Variants in KALRN observed in about 807,000 individuals in gnomAD.
KALRN encodes kalirin RhoGEF kinase.
In KALRN, 70 loss-of-function variants were observed where a neutral mutation model predicts 353.7. The observed-to-expected ratio is 0.20, with a 90% CI of 0.16 to 0.24. The LOEUF is 0.24. KALRN is among the 10% of genes least tolerant of loss of function. The pLI, the probability that KALRN is intolerant of heterozygous loss-of-function variation, is 1.00. For synonymous variants in KALRN, 1,391 were observed against 1,434.8 expected (o/e 0.97, Z 0.69); for missense variants, 2,791 against 3,756.7 (o/e 0.74, Z 6.72).
At chr3:124,570,305 T>C (rs2073368166) in intron 34 of KALRN, among the ~76,000 whole-genome samples, 1 of 152,214 alleles carries the variant, frequency 6.6e-6, no homozygotes, top group Non-Finnish European at 1.5e-5. Flanking sequence ...ATTTACTTTA[T>C]CCTACAGTCC....
At chr3:124,229,133 A>T (rs1404192915) in intron 2 of KALRN, among the ~76,000 whole-genome samples, 2 of 152,228 alleles carry the variant, frequency 1.3e-5, no homozygotes, top group East Asian at 1.9e-4. Flanking sequence ...GATTGTGTTG[A>T]TGGCTGCCTT....
At chr3:124,248,837 G>A (rs1259169070) in intron 3 of KALRN, among the ~76,000 whole-genome samples, 5 of 152,192 alleles carry the variant, frequency 3.3e-5, no homozygotes, top group African/African-American at 4.8e-5. Flanking sequence ...TGTTTCCATC[G>A]CTAGTAATGC....
At chr3:124,584,934 C>T (rs969980647) in intron 34 of KALRN, 20 of 1,561,904 alleles carry the variant, frequency 1.3e-5, no homozygotes, top group Non-Finnish European at 1.5e-5. Context: ...GCCTTGGTGC[C>T]TTCTGTTAGC....
intron 33 of KALRN, among the ~76,000 whole-genome samples, chr3:124,526,392 G>A (rs558628699): frequency 9.9e-5 from 15 of 152,130 alleles, no homozygotes; most frequent in African/African-American, 3.6e-4. Flanking sequence ...GGCCAATATA[G>A]CGAGACCCTA....
rs75339006 is a variant in KALRN at position 124,160,896 on chromosome 3, G to A, written c.74-67094G>A. On this transcript the variant is annotated intron_variant, in intron 1 of 59. Transcript: ENST00000682506. ...AATATTTTGTAAACCTTAAAATGCTGTATAATATTGTATCCTGTAGTTCTC... is the reference window on the plus strand; with the variant it reads ...AATATTTTGTAAACCTTAAAATGCTATATAATATTGTATCCTGTAGTTCTC... Among the ~76,000 whole-genome samples the A allele has an allele frequency of 2.1e-3, 326 of 152,118 alleles. 1 individual carries two copies. Among genetic ancestry groups the A allele is most frequent in the African/African-American group, 6.9e-3 (284 of 41,386 alleles).
intron 1 of KALRN, among the ~76,000 whole-genome samples, chr3:124,093,259 G>A (rs994610968): frequency 6.6e-6 from 1 of 152,192 alleles, no homozygotes; most frequent in African/African-American, 2.4e-5. Flanking sequence ...GGTGCTGAGG[G>A]AGACATGCCT....
intron 8 of KALRN, among the ~76,000 whole-genome samples, chr3:124,331,744 A>C (rs1045389359): frequency 6.6e-6 from 1 of 152,176 alleles, no homozygotes; most frequent in African/African-American, 2.4e-5. Context: ...CACATATGTG[A>C]GGTGTGGGTG....
At position 124,082,480 on chromosome 3, in the gene KALRN, T is replaced by G. The variant is rs983464864; in HGVS notation, c.73+48667T>G. The G allele has an allele frequency of 4.2e-5, 15 of 353,704 alleles. No homozygotes were observed. In the East Asian group the frequency reaches 5.2e-4, roughly 12 times the overall value. The allele number at this position is 353,704 out of a possible 1,614,324, so 21.9% of individuals were successfully genotyped here. A position where few individuals can be genotyped will look rare whatever the true frequency, so the allele number is the denominator to read the frequency against. On this transcript the variant is annotated intron_variant, in intron 1 of 59. Transcript: ENST00000682506. The stretch of plus-strand genomic sequence containing the variant: ...AGGTGGTGGTGGTGCCAGTTCTGCT[T>G]CAGAAAATTAGAAGAAACAACAAAT...
intron 36 of KALRN, among the ~76,000 whole-genome samples, chr3:124,636,517 C>T (rs2669911): frequency 0.072 from 10,892 of 152,180 alleles, 621 homozygotes; most frequent in African/African-American, 0.16. Flanking sequence ...CTAGCTGCTT[C>T]AGGACTCCTG....
chr3:124,332,644 A>G (rs746281015), intron 8 of KALRN, among the ~76,000 whole-genome samples: 1 of 152,130 alleles, frequency 6.6e-6, no homozygotes, highest in Non-Finnish European at 1.5e-5. Flanking sequence ...CAGAACTCCA[A>G]TGAGAAGAAT....
At chr3:124,540,691 A>G (rs1304165779) in intron 33 of KALRN, among the ~76,000 whole-genome samples, 2 of 152,212 alleles carry the variant, frequency 1.3e-5, no homozygotes, top group Admixed American at 1.3e-4. Flanking sequence ...CTTCATTTTC[A>G]GTCCAGAACT....
chr3:124,394,604 T>C (rs1198109951), intron 11 of KALRN, among the ~76,000 whole-genome samples: 1 of 152,240 alleles, frequency 6.6e-6, no homozygotes, highest in African/African-American at 2.4e-5. Context: ...AGCATTCAGC[T>C]TTCTAACCAA....
chr3:124,458,665 G>A (rs1188742603), intron 23 of KALRN, among the ~76,000 whole-genome samples: 1 of 152,230 alleles, frequency 6.6e-6, no homozygotes, highest in African/African-American at 2.4e-5. Flanking sequence ...GCAGGGCACA[G>A]TGGCTCATGC....
At chr3:124,590,647 G>A (rs4677936) in intron 34 of KALRN, among the ~76,000 whole-genome samples, 35,969 of 151,732 alleles carry the variant, frequency 0.24, 4,552 homozygotes, top group East Asian at 0.33. Context: ...TAGCCAAAAG[G>A]CCAAGAAGTG....
In KALRN at chr3:124,228,242, C is replaced by G. The variant is rs79229336; in HGVS notation, c.148+178C>G. Among the ~76,000 whole-genome samples the G allele has an allele frequency of 9.4e-4, 143 of 152,288 alleles. No homozygotes were observed. In the East Asian group the frequency reaches 0.016, roughly 17 times the overall value. ...GAGGGAGAAAGGAGGGCTCTGGCCC[C>G]AGCTGAGTGTTCTAAAGGACACCCA... On this transcript the variant is annotated intron_variant, in intron 2 of 59. Coordinates refer to ENST00000682506, the MANE Select transcript of KALRN (RefSeq NM_001388419.1).
chr3:124,646,451 C>G (rs372312850), intron 37 of KALRN, among the ~76,000 whole-genome samples: 1 of 143,638 alleles, frequency 7.0e-6, no homozygotes, highest in African/African-American at 2.6e-5. Context: ...AGTGCAGTGG[C>G]ATGATCTCGG....
At chr3:124,258,848 T>A (rs767331881) in intron 3 of KALRN, among the ~76,000 whole-genome samples, 3 of 152,234 alleles carry the variant, frequency 2.0e-5, no homozygotes, top group Non-Finnish European at 4.4e-5. Flanking sequence ...TGAGACCTGC[T>A]GATTCAGAGA....
intron 9 of KALRN, among the ~76,000 whole-genome samples, chr3:124,338,808 G>T (rs955787684): frequency 3.3e-5 from 5 of 152,028 alleles, no homozygotes; most frequent in Non-Finnish European, 5.9e-5. Flanking sequence ...TTATGAATCT[G>T]GGTGCTCCTG....
At chr3:124,504,002 T>C (rs1420241890) in intron 33 of KALRN, among the ~76,000 whole-genome samples, 1 of 152,244 alleles carries the variant, frequency 6.6e-6, no homozygotes. Flanking sequence ...TCATAAAATA[T>C]AGCAGACAGT....
Sources: allele counts gnomAD v4.1 joint callset (sites outside exome capture counted in the v4.1 genomes callset), GRCh38; gene constraint gnomAD v4.1.1; transcripts MANE v1.5; gene names NCBI Gene and HGNC (gene_info 2026-07-23, HGNC 2026-07-21).